The following TRIP11 variants were observed in gnomAD, a reference collection of about 807,000 sequenced individuals.
The protein encoded by TRIP11 is thyroid receptor-interacting protein 11.
A neutral mutation model predicts 223.1 loss-of-function variants in TRIP11; 148 were observed. The observed-to-expected ratio is 0.66, with a 90% CI of 0.58 to 0.76. The LOEUF is 0.76. Among genes scored for constraint, TRIP11 ranks in the 30% least tolerant of loss-of-function variants. TRIP11 has a pLI of 0.00. For synonymous variants in TRIP11, 762 were observed against 772.6 expected (o/e 0.99, Z 0.23); for missense variants, 2,043 against 2,222.0 (o/e 0.92, Z 1.62).
At chr14:91,997,874 G>A (rs969728828) in intron 13 of TRIP11, among the ~76,000 whole-genome samples, 2 of 152,122 alleles carry the variant, frequency 1.3e-5, no homozygotes, top group Non-Finnish European at 1.5e-5. Context: ...GAAAAGTGCA[G>A]AGACTAGAAA....
At chr14:91,981,008 A>G (rs868322429) in intron 16 of TRIP11, among the ~76,000 whole-genome samples, 2 of 78,326 alleles carry the variant, frequency 2.6e-5, no homozygotes, top group African/African-American at 1.3e-4. Flanking sequence ...ATATATATAT[A>G]TATATTTTTT....
In TRIP11 at chr14:91,969,851, G is replaced by A. The variant is rs368950450; in HGVS notation, c.5762C>T (p.Pro1921Leu). 22 of 1,613,950 alleles carry A rather than the reference G, an allele frequency of 1.4e-5. No individual in the cohort carries two copies. The highest frequency in any genetic ancestry group is 3.3e-4 in the Middle Eastern group (2 of 6,084). Residue 1921 changes from proline (P) to leucine (L), a missense_variant, in exon 21 of 21, where the codon CCG (proline) becomes CTG (leucine). Physicochemically the swap from Pro to Leu is moderately conservative, Grantham distance 98. Transcript: ENST00000267622. ...AGCTGCCGAGCGAGGAGCCAAAAACGGATTTACATCTGTTCTTCTACCAGA... is the reference window on the plus strand; with the variant it reads ...AGCTGCCGAGCGAGGAGCCAAAAACAGATTTACATCTGTTCTTCTACCAGA... ...SRSGRRTDVN[P>L]FLAPRSAAVP...
chr14:91,995,568 A>G, intron 13 of TRIP11, 53 bp from the exon 14 acceptor site: 2 of 1,596,432 alleles, frequency 1.3e-6, no homozygotes, highest in Non-Finnish European at 1.7e-6. Context: ...AGATACTTTA[A>G]CAAGAAGAAG....
In TRIP11 at chr14:92,027,836, T is replaced by C. The variant is rs531372666; in HGVS notation, c.202-2416A>G. ...CTGATGTCAACAGATGTGAAAATAA[T>C]GATCCAGGAAGATTACATAAATTCC... On this transcript the variant is annotated intron_variant, in intron 2 of 20. Transcript: ENST00000267622. 3.9e-5 allele frequency among the ~76,000 whole-genome samples: 6 copies of C among 152,312 alleles called. No individual in the cohort carries two copies. The South Asian group carries it at 1.2e-3, about 32-fold the overall frequency.
chr14:92,016,633 G>T (rs967084615), intron 5 of TRIP11, among the ~76,000 whole-genome samples: 12 of 150,068 alleles, frequency 8.0e-5, no homozygotes, highest in Non-Finnish European at 1.8e-4. Context: ...ATGGAAAAAA[G>T]AAAAAAAAAG....
chr14:92,001,181 A>G (rs929315497), intron 11 of TRIP11, among the ~76,000 whole-genome samples: 8 of 151,788 alleles, frequency 5.3e-5, no homozygotes, highest in Non-Finnish European at 8.8e-5. Context: ...TCTTTTCTCC[A>G]TTTTAAATAT....
chr14:92,020,427 C>G (rs1233522548), intron 4 of TRIP11, among the ~76,000 whole-genome samples: 1 of 151,984 alleles, frequency 6.6e-6, no homozygotes, highest in South Asian at 2.1e-4. Flanking sequence ...ATATTAATTT[C>G]TAGTGCATGA....
rs2056356068 is a variant in TRIP11, at chr14:91,967,894, C to T, written c.*1779G>A. The T allele has an allele frequency of 5.0e-6, 1 of 200,422 alleles. No homozygotes were observed. The highest frequency in any genetic ancestry group is 1.0e-5 in the Non-Finnish European group (1 of 97,482). 12.4% of individuals were successfully genotyped at this position (200,422 alleles called of 1,614,324 possible). A position where few individuals can be genotyped will look rare whatever the true frequency, so the allele number is the denominator to read the frequency against. The stretch of plus-strand genomic sequence containing the variant: ...CAGAGAAATAATAATAGGCAAAAAC[C>T]AAGAGGCAGTTTGACAGTTCTAATA... On this transcript the variant is annotated 3_prime_UTR_variant, in exon 21 of 21. Transcript: ENST00000267622.
chr14:92,000,232 C>A, intron 11 of TRIP11, 124 bp from the exon 12 acceptor site: 1 of 1,461,248 alleles, frequency 6.8e-7, no homozygotes, highest in East Asian at 2.5e-5. Flanking sequence ...CCGATTTACT[C>A]TCTGAGTAGG....
At chr14:91,995,746 G>C (rs1227203127) in intron 13 of TRIP11, among the ~76,000 whole-genome samples, 1 of 151,832 alleles carries the variant, frequency 6.6e-6, no homozygotes, top group East Asian at 1.9e-4. Context: ...CTCCTGAGTA[G>C]CTGGGGTTAT....
At chr14:92,033,911 T>C (rs2057295879) in intron 1 of TRIP11, among the ~76,000 whole-genome samples, 1 of 152,196 alleles carries the variant, frequency 6.6e-6, no homozygotes, top group Non-Finnish European at 1.5e-5. Flanking sequence ...TTAGCTTCCC[T>C]ATTTTAGTGC....
chr14:91,972,668 T>C (rs761624811), intron 20 of TRIP11, 49 bp downstream of exon 20: 36 of 1,559,864 alleles, frequency 2.3e-5, no homozygotes, highest in Non-Finnish European at 2.1e-5. Flanking sequence ...TAATCATACA[T>C]TAAACATTCA....
chr14:91,975,275 C>T lies in TRIP11; in HGVS notation c.5354G>A (p.Arg1785Lys), dbSNP rs140032736. ...SEGKVDKVLMRNLFIGHFHTP... is the reference protein window; with the variant it reads ...SEGKVDKVLMKNLFIGHFHTP... ...GTGGAAATGACCAATGAAGAGGTTT[C>T]TCATTAGGACTCTATGAAAATAAAG... Residue 1785 changes from arginine to lysine, a missense_variant, in exon 18 of 21, where the codon AGA (arginine) becomes AAA (lysine). Physicochemically the swap from Arg to Lys is conservative, Grantham distance 26 (BLOSUM62 2). Coordinates refer to ENST00000267622, the MANE Select transcript of TRIP11 (RefSeq NM_004239.4). The T allele has an allele frequency of 2.6e-5, 42 of 1,612,676 alleles. 1 individual carries two copies. Among genetic ancestry groups the T allele is most frequent in the Non-Finnish European group, 3.6e-5 (42 of 1,179,156 alleles).
rs2056358927 is a variant in TRIP11 at position 91,968,259 on chromosome 14, T to C, written c.*1414A>G. 4.9e-6 allele frequency: 1 copy of C among 204,068 alleles called. No individual in the cohort carries two copies. The highest frequency in any genetic ancestry group is 2.3e-5 in the African/African-American group (1 of 43,766). 12.6% of individuals were successfully genotyped at this position (204,068 alleles called of 1,614,324 possible). On this transcript the variant is annotated 3_prime_UTR_variant, in exon 21 of 21. Transcript: ENST00000267622. ...AGAAATTTACAAAATTTGCAAGAAA[T>C]ATCTTTTTAAATGTACAACTTCAAC... is the stretch of plus-strand genomic sequence containing the variant.
At chr14:91,995,976 C>T (rs1339879356) in intron 13 of TRIP11, among the ~76,000 whole-genome samples, 1 of 152,130 alleles carries the variant, frequency 6.6e-6, no homozygotes, top group Non-Finnish European at 1.5e-5. Context: ...TAAGATGAAA[C>T]ATCCTACATT....
intron 6 of TRIP11, among the ~76,000 whole-genome samples, chr14:92,014,905 ATT>A (rs34892628): frequency 7.0e-6 from 1 of 142,538 alleles, no homozygotes. Flanking sequence ...TTTTCACAGA[ATT>A]TTTTTTTTTT....
chr14:92,005,548 T>C lies in TRIP11; in HGVS notation c.2428A>G (p.Ile810Val), dbSNP rs761449784. ...LEEQKQLTQL[I>V]NKKEIFIEKL... ...TCAATAAAAATTTCTTTCTTGTTTA[T>C]AAGTTGTGTCAACTGCTTCTGCTCT... Residue 810 changes from isoleucine to valine, a missense_variant, in exon 11 of 21, where the codon ATA (isoleucine) becomes GTA (valine). Physicochemically the swap from Ile to Val is conservative, Grantham distance 29. Transcript: ENST00000267622. 3.7e-6 allele frequency: 6 copies of C among 1,611,622 alleles called. No homozygotes were observed. The highest frequency in any genetic ancestry group is 3.4e-6 in the Non-Finnish European group (4 of 1,179,592).
intron 1 of TRIP11, 107 bp downstream of exon 1, chr14:92,039,440 G>C (rs1672717482): frequency 8.3e-7 from 1 of 1,211,564 alleles, no homozygotes; most frequent in Non-Finnish European, 1.2e-6. Flanking sequence ...GGGAGGAGCA[G>C]CATTCCTTTG....
intron 16 of TRIP11, among the ~76,000 whole-genome samples, chr14:91,986,775 G>C (rs2056608979): frequency 6.6e-6 from 1 of 152,154 alleles, no homozygotes; most frequent in Non-Finnish European, 1.5e-5. Flanking sequence ...ATGTCTTCCA[G>C]ATAATGTTGT....
Sources: allele counts gnomAD v4.1 joint callset (sites outside exome capture counted in the v4.1 genomes callset), GRCh38; gene constraint gnomAD v4.1.1; transcripts MANE v1.5; gene names NCBI Gene and HGNC (gene_info 2026-07-23, HGNC 2026-07-21).